The following AFG2A variants were observed in gnomAD, a reference collection of about 807,000 sequenced individuals.
AFG2A encodes the protein ATPase family gene 2 protein homolog A.
the AFG2A span, among the ~76,000 whole-genome samples, chr4:123,055,773 G>A: frequency 2.0e-5 from 3 of 152,194 alleles, no homozygotes; most frequent in Non-Finnish European, 4.4e-5. Flanking sequence ...GGATGTATGA[G>A]GAACTGTGTC....
the AFG2A span, among the ~76,000 whole-genome samples, chr4:123,027,519 A>G: frequency 7.9e-5 from 12 of 151,904 alleles, no homozygotes; most frequent in African/African-American, 2.9e-4. Context: ...TGGCCTTTTC[A>G]GTTTGTTATT....
chr4:123,117,776 T>C, the AFG2A span, among the ~76,000 whole-genome samples: 5 of 151,728 alleles, frequency 3.3e-5, no homozygotes, highest in African/African-American at 1.2e-4. Context: ...TTTGCTTCCA[T>C]GTTTAAGAAG....
At chr4:123,258,516 C>T in the AFG2A span, among the ~76,000 whole-genome samples, 1 of 152,098 alleles carries the variant, frequency 6.6e-6, no homozygotes, top group Non-Finnish European at 1.5e-5. Flanking sequence ...CTTCAGTTCT[C>T]ATTTGTTACA....
chr4:122,999,329 A>C, the AFG2A span, among the ~76,000 whole-genome samples: 1 of 152,000 alleles, frequency 6.6e-6, no homozygotes, highest in African/African-American at 2.4e-5. Flanking sequence ...CCCATTTGTC[A>C]ATTTTGGCTT....
At chr4:123,217,893 C>A in the AFG2A span, among the ~76,000 whole-genome samples, 1 of 152,072 alleles carries the variant, frequency 6.6e-6, no homozygotes, top group Non-Finnish European at 1.5e-5. Context: ...ACATAATATT[C>A]ACTGCTGTGG....
At chr4:123,228,988 T>G in the AFG2A span, among the ~76,000 whole-genome samples, 1 of 151,998 alleles carries the variant, frequency 6.6e-6, no homozygotes, top group African/African-American at 2.4e-5. Flanking sequence ...GTATGGTTCT[T>G]TATCCTTATG....
chr4:123,135,975 A>G, the AFG2A span, among the ~76,000 whole-genome samples: 1 of 152,188 alleles, frequency 6.6e-6, no homozygotes, highest in African/African-American at 2.4e-5. Context: ...AAAAATTAAG[A>G]AAACAATCTC....
chr4:123,146,876 G>A, the AFG2A span, among the ~76,000 whole-genome samples: 3 of 152,224 alleles, frequency 2.0e-5, no homozygotes, highest in African/African-American at 7.2e-5. Flanking sequence ...CCTAGGGACT[G>A]ACTACTAGGG....
chr4:123,054,615 G>A, the AFG2A span, among the ~76,000 whole-genome samples: 5 of 151,998 alleles, frequency 3.3e-5, no homozygotes, highest in Non-Finnish European at 7.4e-5. Flanking sequence ...CTACTTGGAA[G>A]GCTGAGGCAG....
At chr4:123,056,794 G>C in the AFG2A span, among the ~76,000 whole-genome samples, 1 of 152,158 alleles carries the variant, frequency 6.6e-6, no homozygotes, top group East Asian at 1.9e-4. Flanking sequence ...AATGCTTTGT[G>C]TTCTTTTTAA....
the AFG2A span, among the ~76,000 whole-genome samples, chr4:123,273,226 G>A: frequency 9.9e-4 from 150 of 152,150 alleles, 1 homozygote; most frequent in East Asian, 5.8e-4. Flanking sequence ...AATGAGCTAC[G>A]TTAACATTGG....
the AFG2A span, among the ~76,000 whole-genome samples, chr4:122,970,783 T>C: frequency 2.0e-5 from 3 of 152,022 alleles, no homozygotes; most frequent in African/African-American, 7.2e-5. Flanking sequence ...GACACATCTC[T>C]TAGAACGTAT....
chr4:123,041,587 A>G, the AFG2A span, among the ~76,000 whole-genome samples: 5 of 151,876 alleles, frequency 3.3e-5, no homozygotes, highest in African/African-American at 4.8e-5. Flanking sequence ...GCTGGAGTGC[A>G]ATGGCGTGAT....
the AFG2A span, among the ~76,000 whole-genome samples, chr4:122,923,616 A>G: frequency 6.6e-6 from 1 of 152,198 alleles, no homozygotes; most frequent in African/African-American, 2.4e-5. Flanking sequence ...TAATTGCAAA[A>G]TTGTTCATAA....
At chr4:123,198,409 G>T in the AFG2A span, among the ~76,000 whole-genome samples, 5 of 152,098 alleles carry the variant, frequency 3.3e-5, no homozygotes, top group African/African-American at 1.2e-4. Flanking sequence ...ACACAAATTC[G>T]TATGCATTTG....
At chr4:123,095,065 A>ATG in the AFG2A span, among the ~76,000 whole-genome samples, 1,589 of 119,994 alleles carry the variant, frequency 0.013, 12 homozygotes, top group Non-Finnish European at 0.021. Flanking sequence ...ATATATATAT[A>ATG]TGTGTGTGTG....
At chr4:123,041,278 T>TTTTC in the AFG2A span, among the ~76,000 whole-genome samples, 866 of 8,274 alleles carry the variant, frequency 0.1, 12 homozygotes, top group African/African-American at 0.13. Flanking sequence ...GCCCAGCTAA[T>TTTTC]TTTTTTTTTT....
At chr4:122,937,980 G>T in the AFG2A span, 1 of 801,172 alleles carries the variant, frequency 1.2e-6, no homozygotes, top group East Asian at 3.3e-5. Flanking sequence ...TGAATCTAAG[G>T]ATTTTTAGCT....
chr4:123,070,523 A>G, the AFG2A span, among the ~76,000 whole-genome samples: 1 of 152,122 alleles, frequency 6.6e-6, no homozygotes, highest in African/African-American at 2.4e-5. Flanking sequence ...TTCTTTATAG[A>G]ATGCCATCTT....
Sources: gnomAD v4.1 joint callset for allele counts (sites outside exome capture counted in the v4.1 genomes callset) on GRCh38, gnomAD v4.1.1 for gene constraint, MANE v1.5 for transcripts, NCBI Gene and HGNC (gene_info 2026-07-23, HGNC 2026-07-21) for gene names.